Variants in ALDH3B2 observed in about 807,000 individuals in gnomAD.
The protein encoded by ALDH3B2 is aldehyde dehydrogenase family 3 member B2.
ALDH3B2 carries 45 observed loss-of-function variants against 36.7 expected under a neutral mutation model. That is an observed-to-expected ratio of 1.23 (90% confidence interval 0.97 to 1.57). The LOEUF is 1.57. Among genes scored for constraint, ALDH3B2 ranks in the 40% most tolerant of loss-of-function variants. The pLI is 0.00. For synonymous variants in ALDH3B2, 217 were observed against 226.5 expected (o/e 0.96, Z 0.38); for missense variants, 464 against 513.3 (o/e 0.90, Z 0.93).
chr11:67,666,178 C>A, exon 6 of ALDH3B2: 3 of 1,614,206 alleles, frequency 1.9e-6, no homozygotes, highest in South Asian at 2.2e-5. Context: ...CTCCTGGGGT[C>A]CGCCCAGCAC....
At position 67,666,409 on chromosome 11, in the gene ALDH3B2, G is replaced by T. The variant is rs757129785; in HGVS notation, c.152-8C>A. 4.4e-6 allele frequency: 7 copies of T among 1,608,172 alleles called. No individual in the cohort carries two copies. The highest frequency in any genetic ancestry group is 5.9e-6 in the Non-Finnish European group (7 of 1,177,444). ...TCAGCACCACGCAACTCCCTGCAGG[G>T]GCAGATGGGGACGTCGTTGGGGGAG... is the stretch of plus-strand genomic sequence containing the variant. On this transcript the variant is annotated splice_region_variant and splice_polypyrimidine_tract_variant and intron_variant, in intron 4 of 9. Coordinates refer to ENST00000349015, the Ensembl canonical transcript of ALDH3B2.
At chr11:67,665,656 C>A in exon 7 of ALDH3B2, 1 of 1,610,252 alleles carries the variant, frequency 6.2e-7, no homozygotes, top group Non-Finnish European at 8.5e-7. Context: ...GACAATCTTG[C>A]CCACACGAGG....
At position 67,665,140 on chromosome 11, in the gene ALDH3B2, G is replaced by A. The variant is rs112907181; in HGVS notation, c.706+145C>T. On this transcript the variant is annotated intron_variant, in intron 7 of 9. Transcript: ENST00000349015. Reference sequence around the variant, plus strand: ...GGCTCAGAAGCACAGAGACGGAATCGTGGCACCAGAGCCATGGCTCAAGGC... The same window carrying A: ...GGCTCAGAAGCACAGAGACGGAATCATGGCACCAGAGCCATGGCTCAAGGC... 7.2e-4 allele frequency: 1,000 copies of A among 1,397,708 alleles called. 8 individuals are homozygous for A. In the African/African-American group the frequency reaches 0.012, roughly 17 times the overall value. The allele number at this position is 1,397,708 out of a possible 1,614,324, so 86.6% of individuals were successfully genotyped here.
chr11:67,663,394 T>C, exon 10 of ALDH3B2: 3 of 1,609,424 alleles, frequency 1.9e-6, no homozygotes, highest in South Asian at 1.1e-5. Flanking sequence ...CCCATCCCAC[T>C]GTGGCCTGTG....
At chr11:67,665,115 G>T (rs146708786) in intron 7 of ALDH3B2, among the ~76,000 whole-genome samples, 170 bp downstream of exon 7, 1 of 152,218 alleles carries the variant, frequency 6.6e-6, no homozygotes, top group Admixed American at 6.5e-5. Context: ...TGGGGCCACA[G>T]GCTCAGAAGC....
exon 6 of ALDH3B2, chr11:67,666,134 T>G (rs757870977): frequency 1.9e-6 from 3 of 1,613,980 alleles, no homozygotes; most frequent in East Asian, 4.5e-5. Context: ...GTGAAGAAGA[T>G]GTAGTCCAAC....
At chr11:67,665,534 A>G (rs1565246547) in exon 7 of ALDH3B2, 5 of 1,613,780 alleles carry the variant, frequency 3.1e-6, no homozygotes, top group Admixed American at 1.7e-5. Flanking sequence ...TAGCAGAACC[A>G]GGCCACGCGG....
chr11:67,676,052 C>T (rs1856263671), upstream of ALDH3B2, among the ~76,000 whole-genome samples: 1 of 152,132 alleles, frequency 6.6e-6, no homozygotes, highest in Non-Finnish European at 1.5e-5. Flanking sequence ...TCCAGAACAG[C>T]CTGGCCAACA....
At chr11:67,677,680 A>T (rs1477257677), upstream of ALDH3B2, among the ~76,000 whole-genome samples, 4 of 152,152 alleles carry the variant, frequency 2.6e-5, no homozygotes, top group Admixed American at 6.5e-5. Context: ...TTTGCTGATG[A>T]TATAATTGTT....
exon 10 of ALDH3B2, chr11:67,662,994 C>T: frequency 1.7e-6 from 1 of 592,078 alleles, no homozygotes; most frequent in Non-Finnish European, 2.9e-6. Flanking sequence ...GGACACCTGG[C>T]ATGTTCTGCG....
chr11:67,665,478 G>A (rs755976402), exon 7 of ALDH3B2: 3 of 1,614,102 alleles, frequency 1.9e-6, no homozygotes, highest in South Asian at 2.2e-5. Context: ...TCTCGGGGCT[G>A]CACAGGACGT....
chr11:67,667,485 C>T (rs1702580777), exon 2 of ALDH3B2: 1 of 386,488 alleles, frequency 2.6e-6, no homozygotes. Context: ...TATGCAGGTC[C>T]TGGGCCAGCA....
At chr11:67,674,569 G>T in exon 1 of ALDH3B2, 1 of 156,276 alleles carries the variant, frequency 6.4e-6, no homozygotes, top group African/African-American at 2.4e-5. Context: ...ATCCTCCCAG[G>T]AGACTGGCAG....
chr11:67,664,312 T>C (rs1239785583), intron 8 of ALDH3B2, 84 bp downstream of exon 8: 1 of 1,593,762 alleles, frequency 6.3e-7, no homozygotes, highest in South Asian at 1.1e-5. Flanking sequence ...TCTAAAGCCT[T>C]GCTGGGAAGG....
Position 67,666,161 on chromosome 11 carries a change from G to A in ALDH3B2, c.280C>T (p.Gln94Ter). The change falls in exon 6 of 10, where the codon CAG (glutamine) becomes TAG (stop). Residue 94 changes from glutamine to a stop codon, truncating the protein, a stop_gained. Transcript: ENST00000349015. LOFTEE classifies it high-confidence loss of function. ...TAGTCCAACTTGTGCTCTAGCAGCT[G>A]CCCTGTCTCCTGGGGTCCGCCCAGC... The A allele has an allele frequency of 1.2e-6, 2 of 1,614,170 alleles. No homozygotes were observed. Among genetic ancestry groups the A allele is most frequent in the Non-Finnish European group, 8.5e-7 (1 of 1,180,010 alleles).
At chr11:67,664,369 T>C (rs1855836036) in intron 8 of ALDH3B2, 27 bp downstream of exon 8, 1 of 1,613,314 alleles carries the variant, frequency 6.2e-7, no homozygotes, top group African/African-American at 1.3e-5. Context: ...AGCCCCTCCA[T>C]TGCCCCCAAC....
chr11:67,666,017 A>G (rs1020559479), intron 6 of ALDH3B2, 105 bp downstream of exon 6: 3 of 1,395,308 alleles, frequency 2.2e-6, no homozygotes, highest in Non-Finnish European at 3.0e-6. Context: ...CCAGCTCCCC[A>G]CGTGCCCCCA....
At chr11:67,664,553 A>T (rs1378843663) in exon 8 of ALDH3B2, 1 of 1,613,246 alleles carries the variant, frequency 6.2e-7, no homozygotes, top group East Asian at 2.2e-5. Context: ...GTCCACCAGC[A>T]CCGTGGGGGC....
exon 8 of ALDH3B2, chr11:67,664,445 T>A (rs779162313): frequency 2.5e-6 from 4 of 1,613,968 alleles, no homozygotes; most frequent in Non-Finnish European, 3.4e-6. Context: ...CTCCTGCCGG[T>A]TGATGAACTT....
Sources: allele counts gnomAD v4.1 joint callset (sites outside exome capture counted in the v4.1 genomes callset), GRCh38; gene constraint gnomAD v4.1.1; transcripts MANE v1.5; gene names NCBI Gene and HGNC (gene_info 2026-07-23, HGNC 2026-07-21).